PTPRT: variants seen among roughly 807,000 people sequenced by gnomAD.
The protein encoded by PTPRT is protein tyrosine phosphatase receptor type T, also known as receptor-type tyrosine-protein phosphatase T.
A neutral mutation model predicts 176.8 loss-of-function variants in PTPRT; 56 were observed. That is an observed-to-expected ratio of 0.32 (90% CI 0.26 to 0.40). The LOEUF (loss-of-function observed/expected upper bound fraction) is 0.40, where lower values mean the gene tolerates loss of function less well. Among genes scored for constraint, PTPRT ranks in the 10% least tolerant of loss-of-function variants. The pLI is 1.00. For missense variants in PTPRT, 1,540 were observed against 1,908.2 expected (o/e 0.81, Z 3.60); for synonymous variants, 783 against 739.0 (o/e 1.06, Z -0.96).
At chr20:42,501,777 C>T (rs1365739918) in intron 7 of PTPRT, among the ~76,000 whole-genome samples, 1 of 152,128 alleles carries the variant, frequency 6.6e-6, no homozygotes, top group South Asian at 2.1e-4. Flanking sequence ...TTTATACCCC[C>T]ACTTCTCTAG....
chr20:42,522,244 G>A (rs903848580), intron 7 of PTPRT, among the ~76,000 whole-genome samples: 10 of 149,712 alleles, frequency 6.7e-5, no homozygotes, highest in African/African-American at 2.5e-4. Context: ...TTATTCGTGT[G>A]TGACTTCTAC....
At chr20:42,532,872 G>T (rs1031403430) in intron 7 of PTPRT, among the ~76,000 whole-genome samples, 1 of 152,036 alleles carries the variant, frequency 6.6e-6, no homozygotes, top group African/African-American at 2.4e-5. Context: ...AGCTCACGAG[G>T]GAGAGGCCCA....
At chr20:42,240,123 T>G (rs1392697306) in intron 14 of PTPRT, among the ~76,000 whole-genome samples, 1 of 152,204 alleles carries the variant, frequency 6.6e-6, no homozygotes, top group African/African-American at 2.4e-5. Context: ...ACAGACCACC[T>G]TTTCCAAGTT....
At position 42,863,169 on chromosome 20, in the gene PTPRT, G is replaced by C. The variant is rs958818644; in HGVS notation, c.214+22638C>G. ...GGAAATCCCGTGCTCTCCTCATGATGACACCTGGCAGTGCCTGAGCTCTAG... is the reference window on the plus strand; with the variant it reads ...GGAAATCCCGTGCTCTCCTCATGATCACACCTGGCAGTGCCTGAGCTCTAG... On this transcript the variant is annotated intron_variant, in intron 2 of 30. Coordinates refer to ENST00000373187, the MANE Select transcript of PTPRT (RefSeq NM_007050.6). Among the ~76,000 whole-genome samples the C allele has an allele frequency of 2.6e-5, 4 of 152,226 alleles. No individual in the cohort carries two copies. In the South Asian group the frequency reaches 8.3e-4, roughly 32 times the overall value.
chr20:42,910,099 A>G (rs1331700076), intron 1 of PTPRT, among the ~76,000 whole-genome samples: 1 of 152,172 alleles, frequency 6.6e-6, no homozygotes, highest in Non-Finnish European at 1.5e-5. Context: ...GGCTGCAGAT[A>G]TATTTCACAT....
At chr20:42,345,366 TACACACAC>T (rs35901100) in intron 11 of PTPRT, among the ~76,000 whole-genome samples, 3 of 134,086 alleles carry the variant, frequency 2.2e-5, no homozygotes, top group East Asian at 2.1e-4. Flanking sequence ...AAGGCATATA[TACACACAC>T]ACACACACAC....
chr20:42,534,009 G>C (rs1394049348), intron 7 of PTPRT, among the ~76,000 whole-genome samples: 2 of 152,164 alleles, frequency 1.3e-5, no homozygotes, highest in Non-Finnish European at 2.9e-5. Context: ...AGTTTCCATA[G>C]AGATCCATGT....
At chr20:42,695,374 T>G (rs1327559178) in intron 6 of PTPRT, among the ~76,000 whole-genome samples, 1 of 152,210 alleles carries the variant, frequency 6.6e-6, no homozygotes, top group Non-Finnish European at 1.5e-5. Context: ...CAGTCAAATA[T>G]TTGGTTCACA....
intron 7 of PTPRT, among the ~76,000 whole-genome samples, chr20:42,529,934 G>A (rs371915315): frequency 6.6e-6 from 1 of 150,818 alleles, no homozygotes; most frequent in Non-Finnish European, 1.5e-5. Context: ...ATTACTACCT[G>A]AGCCAATGGA....
At chr20:42,201,505 A>C (rs1991444449) in intron 15 of PTPRT, among the ~76,000 whole-genome samples, 1 of 152,142 alleles carries the variant, frequency 6.6e-6, no homozygotes, top group Non-Finnish European at 1.5e-5. Flanking sequence ...TATTTATAAA[A>C]GGTCTGCTGA....
intron 13 of PTPRT, among the ~76,000 whole-genome samples, chr20:42,282,029 G>T (rs780011778): frequency 3.9e-5 from 6 of 152,068 alleles, no homozygotes; most frequent in South Asian, 2.1e-4. Context: ...TGCAGCGTTT[G>T]TCTTCTCATT....
intron 1 of PTPRT, among the ~76,000 whole-genome samples, chr20:43,020,148 A>C (rs1300532247): frequency 6.8e-6 from 1 of 148,012 alleles, no homozygotes; most frequent in African/African-American, 2.5e-5. Flanking sequence ...GTGTGTGTAC[A>C]TATGTGCATG....
At chr20:42,667,441 C>T (rs6102979) in intron 7 of PTPRT, among the ~76,000 whole-genome samples, 11,730 of 152,272 alleles carry the variant, frequency 0.077, 508 homozygotes, top group South Asian at 0.16. Context: ...GTTTTCATCA[C>T]TATAATCATA....
chr20:42,102,708 G>T (rs1986063864), intron 25 of PTPRT, among the ~76,000 whole-genome samples: 1 of 152,170 alleles, frequency 6.6e-6, no homozygotes, highest in South Asian at 2.1e-4. Context: ...GTCATGGAAT[G>T]GGGGAAATGA....
At chr20:43,023,324 T>G (rs1303527645) in intron 1 of PTPRT, among the ~76,000 whole-genome samples, 1 of 152,158 alleles carries the variant, frequency 6.6e-6, no homozygotes, top group Non-Finnish European at 1.5e-5. Flanking sequence ...TCCTCAACAT[T>G]TGTCAACTGC....
At chr20:42,057,594 A>G in the PTPRT span, among the ~76,000 whole-genome samples, 1 of 151,544 alleles carries the variant, frequency 6.6e-6, no homozygotes, top group Non-Finnish European at 1.5e-5. Context: ...AATTGTTCTT[A>G]TCTTTTTTTT....
At chr20:42,553,768 G>A (rs2072811971) in intron 7 of PTPRT, among the ~76,000 whole-genome samples, 1 of 152,108 alleles carries the variant, frequency 6.6e-6, no homozygotes, top group Non-Finnish European at 1.5e-5. Flanking sequence ...GGGGCAGCCA[G>A]GACTGGGTTG....
chr20:42,038,729 C>T, the PTPRT span, among the ~76,000 whole-genome samples: 1 of 152,114 alleles, frequency 6.6e-6, no homozygotes, highest in Non-Finnish European at 1.5e-5. Flanking sequence ...GGAGACAAGC[C>T]AGCAGTTAGT....
At chr20:42,066,413 T>C in the PTPRT span, among the ~76,000 whole-genome samples, 3 of 148,332 alleles carry the variant, frequency 2.0e-5, no homozygotes, top group East Asian at 2.0e-4. Context: ...TTAGTAAAAA[T>C]CTTCACATTT....
Sources: allele counts gnomAD v4.1 joint callset (sites outside exome capture counted in the v4.1 genomes callset), GRCh38; gene constraint gnomAD v4.1.1; transcripts MANE v1.5; gene names NCBI Gene and HGNC (gene_info 2026-07-23, HGNC 2026-07-21).